The following GPC3 variants were observed in gnomAD, a reference collection of about 807,000 sequenced individuals.
GPC3 encodes glypican-3.
Under a neutral mutation model 34.4 loss-of-function variants are expected in GPC3, and 3 were observed. The observed-to-expected ratio is 0.09, with a 90% CI of 0.04 to 0.23. The LOEUF (loss-of-function observed/expected upper bound fraction) is 0.23. Among genes scored for constraint, GPC3 ranks in the 10% least tolerant of loss-of-function variants. The pLI is 1.00. For missense variants in GPC3, 351 were observed against 445.6 expected, an observed-to-expected ratio of 0.79 and a Z score of 1.91; for synonymous variants, 177 against 174.0, an observed-to-expected ratio of 1.02 and a Z score of -0.13.
At chrX:133,869,719 C>T (rs779669818) in intron 2 of GPC3, among the ~76,000 whole-genome samples, 6 of 111,544 alleles carry the variant, frequency 5.4e-5, no homozygotes, top group Non-Finnish European at 1.1e-4. Context: ...AGGCCGAGGC[C>T]GGCACATCAC....
At chrX:133,811,829 C>T (rs940622670) in intron 2 of GPC3, among the ~76,000 whole-genome samples, 2 of 112,250 alleles carry the variant, frequency 1.8e-5, no homozygotes, top group South Asian at 7.4e-4. Context: ...AGTTAGACTG[C>T]TAGTTTAAAC....
intron 2 of GPC3, among the ~76,000 whole-genome samples, chrX:133,840,868 G>A (rs921412484): frequency 7.2e-5 from 8 of 110,759 alleles, no homozygotes; most frequent in Admixed American, 4.8e-4. Context: ...CTAGGATTAC[G>A]AATCCCTTAT....
chrX:133,973,915 A>G (rs985205394), intron 1 of GPC3, among the ~76,000 whole-genome samples: 3 of 112,655 alleles, frequency 2.7e-5, no homozygotes, highest in African/African-American at 9.7e-5. Flanking sequence ...CAGACACTTT[A>G]CGAGTGGTTG....
chrX:133,720,822 A>C (rs2071357508), intron 3 of GPC3, among the ~76,000 whole-genome samples: 1 of 110,614 alleles, frequency 9.0e-6, no homozygotes, highest in Non-Finnish European at 1.9e-5. Flanking sequence ...CTCACTTATA[A>C]GTGGGAGCTA....
At chrX:133,595,406 T>A (rs2069901820) in intron 7 of GPC3, among the ~76,000 whole-genome samples, 1 of 112,062 alleles carries the variant, frequency 8.9e-6, no homozygotes, top group African/African-American at 3.2e-5. Flanking sequence ...AAAGAACACC[T>A]ATCCACATGA....
chrX:133,833,722 G>A (rs1569442137), intron 2 of GPC3, among the ~76,000 whole-genome samples: 1 of 112,462 alleles, frequency 8.9e-6, no homozygotes, highest in East Asian at 2.8e-4. Context: ...CTATTAAAAG[G>A]CTTTGTATGC....
chrX:133,740,892 A>C (rs1286595089), intron 3 of GPC3, among the ~76,000 whole-genome samples: 1 of 110,019 alleles, frequency 9.1e-6, no homozygotes, highest in African/African-American at 3.4e-5. Flanking sequence ...TGTTTGTTTT[A>C]AAAAAACGTA....
At chrX:133,967,665 G>A (rs367886698) in intron 1 of GPC3, among the ~76,000 whole-genome samples, 2 of 112,060 alleles carry the variant, frequency 1.8e-5, no homozygotes, top group Admixed American at 9.5e-5. Context: ...TTTTACTCCC[G>A]TTGCCCAGGC....
chrX:133,903,678 AT>A (rs1402242189), intron 2 of GPC3, among the ~76,000 whole-genome samples: 4 of 112,412 alleles, frequency 3.6e-5, no homozygotes, highest in African/African-American at 9.7e-5. Flanking sequence ...AGAGACTTGT[AT>A]TTCCTTTGCA....
intron 2 of GPC3, among the ~76,000 whole-genome samples, chrX:133,797,321 T>C (rs1315995123): frequency 9.0e-6 from 1 of 111,149 alleles, no homozygotes; most frequent in East Asian, 2.8e-4. Context: ...CAGAACACAA[T>C]GTCCAGTATA....
At chrX:133,694,132 C>T (rs957305021) in intron 4 of GPC3, among the ~76,000 whole-genome samples, 4 of 110,593 alleles carry the variant, frequency 3.6e-5, no homozygotes, top group African/African-American at 1.3e-4. Flanking sequence ...AATTCTGTTA[C>T]AGCAACATAA....
At chrX:133,746,522 T>C (rs1421211611) in intron 3 of GPC3, among the ~76,000 whole-genome samples, 2 of 112,609 alleles carry the variant, frequency 1.8e-5, no homozygotes, top group East Asian at 2.8e-4. Context: ...ATGGTGCCAA[T>C]TTTTTCATTT....
chrX:133,625,317 G>A (rs890955436), intron 6 of GPC3, among the ~76,000 whole-genome samples: 3 of 111,682 alleles, frequency 2.7e-5, no homozygotes, highest in Admixed American at 9.6e-5. Context: ...TCTGGCCAGG[G>A]CAATCAGGCA....
rs759245843 is a variant in GPC3, at chrX:133,559,542, T to G, written c.1574-23249A>C. On this transcript the variant is annotated intron_variant, in intron 7 of 7. Transcript: ENST00000370818. ...TGTGATGAGTGCCACAAGAGAGGCA[T>G]GAACAGAGTGCCATGGGGATTCTGA... Among the ~76,000 whole-genome samples the G allele has an allele frequency of 2.7e-5, 3 of 111,068 alleles. No individual in the cohort carries two copies. The Admixed American group carries it at 2.9e-4, about 11-fold the overall frequency.
At chrX:133,647,591 A>G (rs2070557374) in intron 6 of GPC3, among the ~76,000 whole-genome samples, 1 of 112,523 alleles carries the variant, frequency 8.9e-6, no homozygotes, top group African/African-American at 3.2e-5. Flanking sequence ...AGTTGATAAC[A>G]AACAGGAAAA....
At position 133,920,372 on chromosome X, in the gene GPC3, A is replaced by C. The variant is rs1249057447; in HGVS notation, c.337+32678T>G. ...ACATTAAGCATCAAGATCTTTTTAA[A>C]AGTTCATATTCCTCAATTATTTTAC... On this transcript the variant is annotated intron_variant, in intron 2 of 7. Transcript: ENST00000370818. Among the ~76,000 whole-genome samples, 3 of 111,435 alleles carry C rather than the reference A, an allele frequency of 2.7e-5. No homozygotes were observed. In the East Asian group the frequency reaches 8.4e-4, roughly 31 times the overall value.
At chrX:133,876,995 C>T (rs779419822) in intron 2 of GPC3, among the ~76,000 whole-genome samples, 3 of 111,686 alleles carry the variant, frequency 2.7e-5, no homozygotes, top group East Asian at 5.6e-4. Context: ...TGTCTTGATG[C>T]TGAACTGGAA....
intron 7 of GPC3, among the ~76,000 whole-genome samples, chrX:133,540,401 A>G (rs1416942822): frequency 3.5e-5 from 4 of 112,922 alleles, no homozygotes; most frequent in African/African-American, 1.3e-4. Flanking sequence ...TGTCTTTTGC[A>G]GCAACTTGGA....
intron 2 of GPC3, among the ~76,000 whole-genome samples, chrX:133,921,321 C>T (rs1362963773): frequency 1.8e-5 from 2 of 111,274 alleles, no homozygotes; most frequent in Non-Finnish European, 3.8e-5. Context: ...AAGGCAGCAC[C>T]GGTAGCCACT....
Sources: gnomAD v4.1 joint callset for allele counts (sites outside exome capture counted in the v4.1 genomes callset) on GRCh38, gnomAD v4.1.1 for gene constraint, MANE v1.5 for transcripts, NCBI Gene and HGNC (gene_info 2026-07-23, HGNC 2026-07-21) for gene names.